Variants in RERE observed in about 807,000 individuals in gnomAD.
RERE encodes the protein arginine-glutamic acid dipeptide repeats protein.
RERE carries 40 observed loss-of-function variants against 146.1 expected under a neutral mutation model. The ratio of observed to expected loss-of-function variants is 0.27; its 90% CI spans 0.21 to 0.36. RERE has a LOEUF of 0.36. Ranked by LOEUF, RERE falls within the 10% of genes least tolerant of loss-of-function variation. The pLI, the probability that RERE is intolerant of heterozygous loss-of-function variation, is 1.00. For synonymous variants in RERE, 1,003 were observed against 866.0 expected (o/e 1.16, Z -2.78); for missense variants, 1,933 against 2,138.7 (o/e 0.90, Z 1.90).
At chr1:8,399,772 T>C (rs2124438390) in intron 12 of RERE, among the ~76,000 whole-genome samples, 1 of 152,228 alleles carries the variant, frequency 6.6e-6, no homozygotes, top group African/African-American at 2.4e-5. Flanking sequence ...ACGTCTTTTT[T>C]TTAGGTCTTT....
At position 8,516,246 on chromosome 1, in the gene RERE, A is replaced by AAAAT. The variant is rs1182569254; in HGVS notation, c.831-7575_831-7572dup. 3.1e-4 allele frequency among the ~76,000 whole-genome samples: 46 copies of AAAAT among 150,624 alleles called. 1 individual carries two copies. Among genetic ancestry groups the AAAAT allele is most frequent in the African/African-American group, 1.1e-3 (43 of 40,930 alleles). The stretch of plus-strand genomic sequence containing the variant: ...TCAGAGGAAAAAAAAAAAAAAAAAA[A>AAAAT]AAATCTAGGTGTATTATAGTTACAT... On this transcript the variant is annotated intron_variant, in intron 7 of 22. Transcript: ENST00000400908.
intron 4 of RERE, among the ~76,000 whole-genome samples, chr1:8,565,416 T>C (rs1362952443): frequency 6.6e-6 from 1 of 152,080 alleles, no homozygotes; most frequent in Non-Finnish European, 1.5e-5. Flanking sequence ...AACATAAGAC[T>C]CTAAGAATGC....
chr1:8,373,881 C>T (rs1213765260), intron 12 of RERE, among the ~76,000 whole-genome samples: 3 of 152,138 alleles, frequency 2.0e-5, no homozygotes, highest in African/African-American at 4.8e-5. Flanking sequence ...AGGAGGCAAC[C>T]GGTTGTCTTC....
chr1:8,476,596 G>T lies in RERE; in HGVS notation c.1105-10573C>A, dbSNP rs140466205. ...ATGAAAGCTGATGGGGATGACATTT[G>T]CTCAGTCTGGAAAATCTAAAATGCA... On this transcript the variant is annotated intron_variant, in intron 10 of 22. Coordinates refer to ENST00000400908, the MANE Select transcript of RERE (RefSeq NM_001042681.2). Among the ~76,000 whole-genome samples, 16 of 152,294 alleles carry T rather than the reference G, an allele frequency of 1.1e-4. No individual in the cohort carries two copies. In the East Asian group the frequency reaches 3.1e-3, roughly 29 times the overall value.
At chr1:8,730,229 C>G (rs908808113) in intron 1 of RERE, among the ~76,000 whole-genome samples, 1 of 152,206 alleles carries the variant, frequency 6.6e-6, no homozygotes, top group Admixed American at 6.5e-5. Context: ...TATGTAGATA[C>G]AAAAATACAG....
intron 12 of RERE, among the ~76,000 whole-genome samples, chr1:8,420,956 T>G (rs301805): frequency 0.65 from 98,942 of 152,068 alleles, 33,456 homozygotes; most frequent in East Asian, 0.84. Context: ...AAGAAAAACA[T>G]AGTAGAAGAA....
intron 10 of RERE, among the ~76,000 whole-genome samples, chr1:8,466,956 C>T (rs1309532841): frequency 6.6e-6 from 1 of 152,230 alleles, no homozygotes; most frequent in African/African-American, 2.4e-5. Flanking sequence ...CATACTGTGG[C>T]TGTCACTCAG....
At position 8,673,094 on chromosome 1, in the gene RERE, C is replaced by CATTT. The variant is rs1010612632; in HGVS notation, c.-144-16657_-144-16654dup. On this transcript the variant is annotated intron_variant, in intron 1 of 22. Transcript: ENST00000400908. Reference sequence around the variant, plus strand: ...TTTTATCATTTAGAGGAGCCTAATTCATTTATTTATTTATTTATTTTGAGA... The same window carrying CATTT: ...TTTTATCATTTAGAGGAGCCTAATTCATTTATTTATTTATTTATTTATTTTGAGA... Among the ~76,000 whole-genome samples the CATTT allele has an allele frequency of 6.6e-5, 10 of 152,022 alleles. No homozygotes were observed. The South Asian group carries it at 8.3e-4, about 13-fold the overall frequency.
intron 1 of RERE, among the ~76,000 whole-genome samples, chr1:8,752,490 T>C (rs967151213): frequency 3.9e-5 from 6 of 152,128 alleles, no homozygotes; most frequent in Non-Finnish European, 8.8e-5. Context: ...TGATAAACAA[T>C]AGTGAAGTGG....
intron 11 of RERE, among the ~76,000 whole-genome samples, chr1:8,450,335 G>A (rs1644376019): frequency 6.6e-6 from 1 of 150,626 alleles, no homozygotes; most frequent in African/African-American, 2.4e-5. Flanking sequence ...CCACTGAGAA[G>A]CCAGGAGCTC....
At chr1:8,522,063 A>C (rs1022852765) in intron 7 of RERE, among the ~76,000 whole-genome samples, 1 of 152,266 alleles carries the variant, frequency 6.6e-6, no homozygotes, top group Non-Finnish European at 1.5e-5. Flanking sequence ...ATCTTTCAGA[A>C]TTGTTTTAAA....
At chr1:8,585,578 G>GA (rs1646418354) in intron 4 of RERE, among the ~76,000 whole-genome samples, 2 of 152,154 alleles carry the variant, frequency 1.3e-5, no homozygotes, top group African/African-American at 4.8e-5. Flanking sequence ...AGATAGTAAG[G>GA]AAACTATCAA....
intron 11 of RERE, among the ~76,000 whole-genome samples, chr1:8,449,799 T>C (rs1644369032): frequency 6.6e-6 from 1 of 152,240 alleles, no homozygotes; most frequent in African/African-American, 2.4e-5. Context: ...TGGGGGTCAG[T>C]AATTTGAATT....
At chr1:8,599,089 G>T (rs541742393) in intron 4 of RERE, among the ~76,000 whole-genome samples, 145 of 152,300 alleles carry the variant, frequency 9.5e-4, no homozygotes, top group Non-Finnish European at 1.9e-3. Flanking sequence ...CGGGGCAGGG[G>T]TCACCCTCAG....
intron 4 of RERE, among the ~76,000 whole-genome samples, chr1:8,604,615 AGGGAGGG>A (rs1646676998): frequency 7.8e-5 from 7 of 89,696 alleles, no homozygotes; most frequent in South Asian, 4.6e-4. Context: ...GGAGGGAGGG[AGGGAGGG>A]AGGAAGGAAG....
At chr1:8,606,572 T>G (rs1276937773) in intron 4 of RERE, among the ~76,000 whole-genome samples, 1 of 152,150 alleles carries the variant, frequency 6.6e-6, no homozygotes, top group Non-Finnish European at 1.5e-5. Context: ...AAAATAGGCC[T>G]TTTTCCTTCC....
Position 8,422,811 on chromosome 1 carries a change from T to A in RERE, c.1204-4A>T. The A allele has an allele frequency of 6.2e-7, 1 of 1,611,764 alleles. No individual in the cohort carries two copies. Among genetic ancestry groups the A allele is most frequent in the Non-Finnish European group, 8.5e-7 (1 of 1,178,214 alleles). On this transcript the variant is annotated splice_polypyrimidine_tract_variant and splice_region_variant and intron_variant, in intron 11 of 22. Transcript: ENST00000400908. The stretch of plus-strand genomic sequence containing the variant: ...TGAGTCCCTTAACGAAGCGTTTCTG[T>A]GATAAAAAGAAACAAATGGGATGTA...
chr1:8,581,522 C>T lies in RERE; in HGVS notation c.523-23999G>A, dbSNP rs543360754. On this transcript the variant is annotated intron_variant, in intron 4 of 22. Transcript: ENST00000400908. ...CTATCCCCTCATTAAGAAATCATTG[C>T]CTAAATGAAAGTAAACACACTCTCC... Among the ~76,000 whole-genome samples, 6 of 152,166 alleles carry T rather than the reference C, an allele frequency of 3.9e-5. No individual in the cohort carries two copies. In the East Asian group the frequency reaches 7.7e-4, roughly 20 times the overall value.
chr1:8,727,123 G>A (rs1466274961), intron 1 of RERE, among the ~76,000 whole-genome samples: 2 of 150,906 alleles, frequency 1.3e-5, no homozygotes, highest in African/African-American at 4.9e-5. Flanking sequence ...TTTTTTCAGT[G>A]GATTAGTAGT....
Sources: allele counts gnomAD v4.1 joint callset (sites outside exome capture counted in the v4.1 genomes callset), GRCh38; gene constraint gnomAD v4.1.1; transcripts MANE v1.5; gene names NCBI Gene and HGNC (gene_info 2026-07-23, HGNC 2026-07-21).